CUBN: variants seen among roughly 807,000 people sequenced by gnomAD.
CUBN encodes 460 kDa receptor.
A neutral mutation model predicts 405.3 loss-of-function variants in CUBN; 282 were observed. That is an observed-to-expected ratio of 0.70 (90% CI 0.63 to 0.77). CUBN has a LOEUF of 0.77. Among genes scored for constraint, CUBN ranks in the 30% least tolerant of loss-of-function variants. The pLI, the probability that CUBN is intolerant of heterozygous loss-of-function variation, is 0.00. For synonymous variants in CUBN, 1,684 were observed against 1,617.0 expected (o/e 1.04, Z -0.99); for missense variants, 4,514 against 4,475.2 (o/e 1.01, Z -0.25).
chr10:17,005,024 A>G (rs1285586596), intron 28 of CUBN, among the ~76,000 whole-genome samples: 1 of 152,012 alleles, frequency 6.6e-6, no homozygotes, highest in Non-Finnish European at 1.5e-5. Context: ...CTGACTAGTC[A>G]CCAAACTCTC....
intron 27 of CUBN, among the ~76,000 whole-genome samples, chr10:17,031,607 G>C (rs7089873): frequency 6.6e-6 from 1 of 152,096 alleles, no homozygotes; most frequent in Non-Finnish European, 1.5e-5. Context: ...ATTCTCTTGC[G>C]AACGAGTGCT....
intron 64 of CUBN, 82 bp from the exon 65 acceptor site, chr10:16,831,499 T>C (rs1488229227): frequency 4.8e-6 from 6 of 1,256,984 alleles, no homozygotes; most frequent in Admixed American, 3.4e-5. Context: ...ATTTGAATGA[T>C]GACATTGGTC....
chr10:16,842,823 G>A (rs1290667286), intron 60 of CUBN, among the ~76,000 whole-genome samples: 1 of 152,150 alleles, frequency 6.6e-6, no homozygotes. Context: ...TTCCCAGGCT[G>A]CCCACACCTC....
At chr10:16,969,110 G>T (rs2131666574) in intron 31 of CUBN, among the ~76,000 whole-genome samples, 1 of 152,292 alleles carries the variant, frequency 6.6e-6, no homozygotes, top group South Asian at 2.1e-4. Context: ...TGCTCATGTG[G>T]CTCACAACAC....
intron 31 of CUBN, among the ~76,000 whole-genome samples, chr10:16,978,208 C>T (rs1833154095): frequency 6.6e-6 from 1 of 152,184 alleles, no homozygotes; most frequent in South Asian, 2.1e-4. Flanking sequence ...AAACTTTGGT[C>T]CTCTTTGTCC....
intron 22 of CUBN, 136 bp from the exon 23 acceptor site, chr10:17,047,739 A>G: frequency 1.3e-6 from 1 of 781,368 alleles, no homozygotes; most frequent in Middle Eastern, 3.8e-4. Context: ...GCAAATAAAG[A>G]CTTCATTCTG....
At chr10:17,111,252 T>C (rs1401068494) in intron 8 of CUBN, among the ~76,000 whole-genome samples, 1 of 152,228 alleles carries the variant, frequency 6.6e-6, no homozygotes, top group Non-Finnish European at 1.5e-5. Context: ...GCTCCTCTTA[T>C]ATGCTGATAG....
intron 22 of CUBN, among the ~76,000 whole-genome samples, chr10:17,062,587 G>A (rs1358115304): frequency 6.6e-6 from 1 of 152,116 alleles, no homozygotes; most frequent in Non-Finnish European, 1.5e-5. Context: ...AGGCACATCT[G>A]GATAAAGGCA....
At chr10:16,962,179 A>G (rs1843244851) in intron 31 of CUBN, among the ~76,000 whole-genome samples, 1 of 152,224 alleles carries the variant, frequency 6.6e-6, no homozygotes, top group Admixed American at 6.5e-5. Flanking sequence ...ATGAATATAT[A>G]GCTCATACTG....
chr10:16,946,423 T>C (rs540835746), intron 36 of CUBN, among the ~76,000 whole-genome samples: 2 of 151,264 alleles, frequency 1.3e-5, no homozygotes, highest in Non-Finnish European at 3.0e-5. Flanking sequence ...GAAAGTGTTC[T>C]AAAAAATTAA....
chr10:16,853,840 G>A (rs934036175), intron 59 of CUBN, among the ~76,000 whole-genome samples: 1 of 152,206 alleles, frequency 6.6e-6, no homozygotes, highest in African/African-American at 2.4e-5. Flanking sequence ...AACCACTTAA[G>A]CTTATTGGCA....
At chr10:16,887,832 C>G (rs1840865885) in intron 56 of CUBN, among the ~76,000 whole-genome samples, 1 of 152,136 alleles carries the variant, frequency 6.6e-6, no homozygotes, top group South Asian at 2.1e-4. Context: ...CCTGAGTGTC[C>G]ACCAGTGAAT....
intron 20 of CUBN, 119 bp from the exon 21 acceptor site, chr10:17,068,399 A>G: frequency 9.3e-7 from 1 of 1,074,878 alleles, no homozygotes; most frequent in South Asian, 1.4e-5. Flanking sequence ...CTTAGTTGCC[A>G]CTTAAGATAA....
intron 59 of CUBN, among the ~76,000 whole-genome samples, chr10:16,863,927 C>T (rs1273664256): frequency 6.6e-6 from 1 of 152,092 alleles, no homozygotes; most frequent in Non-Finnish European, 1.5e-5. Context: ...CACAGATGAC[C>T]TAAATATTGA....
intron 21 of CUBN, 78 bp from the exon 22 acceptor site, chr10:17,065,716 T>G: frequency 6.5e-7 from 1 of 1,541,712 alleles, no homozygotes; most frequent in African/African-American, 1.4e-5. Context: ...AATTTGGACA[T>G]GTAAATATAA....
chr10:16,895,775 A>C (rs2131410432), intron 54 of CUBN, among the ~76,000 whole-genome samples: 1 of 152,170 alleles, frequency 6.6e-6, no homozygotes, highest in South Asian at 2.1e-4. Context: ...TCATGTACCT[A>C]CGTGGTTGAA....
At chr10:16,996,432 A>G (rs1236850277) in intron 28 of CUBN, among the ~76,000 whole-genome samples, 1 of 152,226 alleles carries the variant, frequency 6.6e-6, no homozygotes, top group Non-Finnish European at 1.5e-5. Flanking sequence ...AACTCATAAC[A>G]ACCAAGAGTT....
intron 27 of CUBN, among the ~76,000 whole-genome samples, chr10:17,029,269 A>C (rs1834738478): frequency 6.6e-6 from 1 of 152,252 alleles, no homozygotes. Flanking sequence ...AAAATCCTTC[A>C]TTGTGAAAGA....
At chr10:16,837,403 C>A (rs1839205544) in intron 62 of CUBN, among the ~76,000 whole-genome samples, 1 of 152,078 alleles carries the variant, frequency 6.6e-6, no homozygotes, top group African/African-American at 2.4e-5. Flanking sequence ...CTACATCTGG[C>A]CAAAGATATT....
Sources: allele counts gnomAD v4.1 joint callset (sites outside exome capture counted in the v4.1 genomes callset), GRCh38; gene constraint gnomAD v4.1.1; transcripts MANE v1.5; gene names NCBI Gene and HGNC (gene_info 2026-07-23, HGNC 2026-07-21).